The following UMAD1 variants were observed in gnomAD, a reference collection of about 807,000 sequenced individuals.
UMAD1 encodes the protein UBAP1-MVB12-associated (UMA) domain containing 1.
Under a neutral mutation model 6.1 loss-of-function variants are expected in UMAD1, and 8 were observed. The observed-to-expected ratio is 1.30, with a 90% CI of 0.76 to 2.35. UMAD1 has a LOEUF of 2.35. Ranked by LOEUF, UMAD1 falls within the 30% of genes most tolerant of loss-of-function variation. The pLI is 0.00. For synonymous variants in UMAD1, 56 were observed against 31.4 expected (o/e 1.78, Z -2.61); for missense variants, 130 against 78.4 (o/e 1.66, Z -2.49).
Position 7,673,349 on chromosome 7 carries a change from CAGCAGCAG to C in UMAD1, c.-22_-15del, listed in dbSNP as rs1482147661. 2.3e-6 allele frequency: 3 copies of C among 1,276,602 alleles called. No homozygotes were observed. Among genetic ancestry groups the C allele is most frequent in the Non-Finnish European group, 3.3e-6 (3 of 910,406 alleles). The allele number at this position is 1,276,602 out of a possible 1,614,324, so 79.1% of individuals were successfully genotyped here. A position where few individuals can be genotyped will look rare whatever the true frequency, so the allele number is the denominator to read the frequency against. ...GCAGCAGCAGCAGCAGCAGCAGCAG[CAGCAGCAG>C]CAGCAGCAGCAGCAATGTTTCACTT... On this transcript the variant is annotated 5_prime_UTR_variant, in exon 2 of 4. Coordinates refer to ENST00000682710, the MANE Select transcript of UMAD1 (RefSeq NM_001302348.2).
At chr7:7,841,595 C>CA (rs1431918240) in intron 3 of UMAD1, among the ~76,000 whole-genome samples, 1 of 152,150 alleles carries the variant, frequency 6.6e-6, no homozygotes, top group Non-Finnish European at 1.5e-5. Flanking sequence ...TGAACCACCA[C>CA]ACCTGGCTCA....
At chr7:7,699,747 G>A (rs1189363056) in intron 2 of UMAD1, among the ~76,000 whole-genome samples, 3 of 152,186 alleles carry the variant, frequency 2.0e-5, no homozygotes, top group Non-Finnish European at 4.4e-5. Context: ...GTAAGGTTCT[G>A]TAATCTTAGT....
chr7:7,815,720 C>A (rs1263223738), intron 3 of UMAD1, among the ~76,000 whole-genome samples: 1 of 152,148 alleles, frequency 6.6e-6, no homozygotes, highest in Admixed American at 6.5e-5. Flanking sequence ...CATATTATAA[C>A]ATATGGCCAC....
In UMAD1 at chr7:7,871,728, A is replaced by G. The variant is rs145728008; in HGVS notation, c.157-5553A>G. Among the ~76,000 whole-genome samples, 110 of 152,260 alleles carry G rather than the reference A, an allele frequency of 7.2e-4. No individual in the cohort carries two copies. The East Asian group carries it at 0.021, about 29-fold the overall frequency. On this transcript the variant is annotated intron_variant, in intron 3 of 3. Transcript: ENST00000682710. ...AGCAACCCCCTTCAGGTCAGATGGC[A>G]GTTTTATCAGGATAACTTGAATGAG...
At chr7:7,785,293 T>C (rs1291782455) in intron 2 of UMAD1, among the ~76,000 whole-genome samples, 1 of 152,218 alleles carries the variant, frequency 6.6e-6, no homozygotes, top group Admixed American at 6.5e-5. Flanking sequence ...CAATATTGAT[T>C]GTGTGTTCAG....
chr7:7,716,849 G>C (rs1207368126), intron 2 of UMAD1, among the ~76,000 whole-genome samples: 1 of 152,120 alleles, frequency 6.6e-6, no homozygotes, highest in African/African-American at 2.4e-5. Context: ...GGGAGCCTGA[G>C]GCAGGAGAAT....
At chr7:7,854,438 C>T (rs960970751) in intron 3 of UMAD1, among the ~76,000 whole-genome samples, 1 of 148,252 alleles carries the variant, frequency 6.7e-6, no homozygotes, top group Non-Finnish European at 1.5e-5. Context: ...AGAAAACTTA[C>T]AATCATGGCA....
rs1272378267 is a variant in UMAD1, at chr7:7,830,921, C to A, written c.156+29178C>A. Reference sequence around the variant, plus strand: ...GAATAAGCCAATCACCCAAACATTTCCTCATGTGGCTACAAGAATATTTTT... The same window carrying A: ...GAATAAGCCAATCACCCAAACATTTACTCATGTGGCTACAAGAATATTTTT... On this transcript the variant is annotated intron_variant, in intron 3 of 3. Coordinates refer to ENST00000682710, the MANE Select transcript of UMAD1 (RefSeq NM_001302348.2). The surrounding 1 kb of genome is among the most constrained non-coding windows in gnomAD (Gnocchi z 5.3). 6.6e-6 allele frequency among the ~76,000 whole-genome samples: 1 copy of A among 152,036 alleles called. No homozygotes were observed. Among genetic ancestry groups the A allele is most frequent in the Non-Finnish European group, 1.5e-5 (1 of 68,002 alleles).
intron 2 of UMAD1, among the ~76,000 whole-genome samples, chr7:7,691,958 G>A (rs1780182996): frequency 6.6e-6 from 1 of 152,174 alleles, no homozygotes; most frequent in Admixed American, 6.5e-5. Context: ...TTTTATAACT[G>A]TTCCAAAACT....
At chr7:7,805,890 A>G (rs1325027697) in intron 3 of UMAD1, among the ~76,000 whole-genome samples, 4 of 124,966 alleles carry the variant, frequency 3.2e-5, no homozygotes, top group African/African-American at 8.2e-5. Context: ...ACACTTAATC[A>G]CTATGTCGGA....
At position 7,842,272 on chromosome 7, in the gene UMAD1, T is replaced by A. The variant is rs193152333; in HGVS notation, c.157-35009T>A. Among the ~76,000 whole-genome samples the A allele has an allele frequency of 2.6e-5, 4 of 152,330 alleles. No homozygotes were observed. In the East Asian group the frequency reaches 7.7e-4, roughly 29 times the overall value. On this transcript the variant is annotated intron_variant, in intron 3 of 3. Transcript: ENST00000682710. ...TGCCTTCTGCGCAGGGATGATATTATTAAAAGCAAATGATTGTGGAAATGC... is the reference window on the plus strand; with the variant it reads ...TGCCTTCTGCGCAGGGATGATATTAATAAAAGCAAATGATTGTGGAAATGC...
chr7:7,836,030 A>G (rs1783561880), intron 3 of UMAD1, among the ~76,000 whole-genome samples: 1 of 152,022 alleles, frequency 6.6e-6, no homozygotes, highest in African/African-American at 2.4e-5. Flanking sequence ...TTAATCATCC[A>G]CGGTCTTGCT....
chr7:7,852,806 C>G (rs1390679341), intron 3 of UMAD1, among the ~76,000 whole-genome samples: 1 of 152,134 alleles, frequency 6.6e-6, no homozygotes, highest in Non-Finnish European at 1.5e-5. Context: ...CTTGGATAGA[C>G]AATTGACAAC....
intron 2 of UMAD1, among the ~76,000 whole-genome samples, chr7:7,708,281 C>G (rs1195168649): frequency 2.6e-5 from 4 of 152,094 alleles, no homozygotes; most frequent in African/African-American, 9.7e-5. Context: ...GATTTACAAC[C>G]CTCCCTTTCA....
At chr7:7,674,589 G>A (rs1259893398) in intron 2 of UMAD1, among the ~76,000 whole-genome samples, 7 of 152,110 alleles carry the variant, frequency 4.6e-5, no homozygotes, top group Admixed American at 4.6e-4. Context: ...AAAATAGTGG[G>A]GCTTAGTCTT....
At chr7:7,670,826 A>G (rs1485883881) in intron 1 of UMAD1, among the ~76,000 whole-genome samples, 1 of 152,228 alleles carries the variant, frequency 6.6e-6, no homozygotes, top group Non-Finnish European at 1.5e-5. Flanking sequence ...AGAACAGTCA[A>G]AAGTTGTAGC....
intron 1 of UMAD1, among the ~76,000 whole-genome samples, chr7:7,649,747 C>A (rs1785182346): frequency 6.6e-6 from 1 of 152,132 alleles, no homozygotes; most frequent in South Asian, 2.1e-4. Flanking sequence ...TGTCTCTCTC[C>A]CCCCACCCAA....
At chr7:7,701,109 G>T (rs772759750) in intron 2 of UMAD1, among the ~76,000 whole-genome samples, 13 of 152,142 alleles carry the variant, frequency 8.5e-5, no homozygotes, top group East Asian at 1.9e-4. Context: ...TCGCCATTTG[G>T]TTAATATTCC....
At chr7:7,648,796 T>C (rs903499160) in intron 1 of UMAD1, among the ~76,000 whole-genome samples, 1 of 151,424 alleles carries the variant, frequency 6.6e-6, no homozygotes, top group African/African-American at 2.4e-5. Context: ...GAGGTTGCAG[T>C]GAGCTAAGAT....
Sources: gnomAD v4.1 joint callset for allele counts (sites outside exome capture counted in the v4.1 genomes callset) on GRCh38, gnomAD v4.1.1 for gene constraint, Gnocchi (gnomAD v3.1) non-coding constraint, MANE v1.5 for transcripts, NCBI Gene and HGNC (gene_info 2026-07-23, HGNC 2026-07-21) for gene names.